SPOCK3: variants seen among roughly 807,000 people sequenced by gnomAD.
The protein encoded by SPOCK3 is testican-3.
Under a neutral mutation model 56.6 loss-of-function variants are expected in SPOCK3, and 30 were observed. The ratio of observed to expected loss-of-function variants is 0.53; its 90% CI spans 0.40 to 0.72. The LOEUF (loss-of-function observed/expected upper bound fraction) is 0.72. Among genes scored for constraint, SPOCK3 ranks in the 30% least tolerant of loss-of-function variants. The pLI is 0.00. For synonymous variants in SPOCK3, 196 were observed against 183.3 expected, an observed-to-expected ratio of 1.07 and a Z score of -0.56; for missense variants, 527 against 530.0, an observed-to-expected ratio of 0.99 and a Z score of 0.06.
At chr4:167,157,668 T>G (rs1314727565) in intron 2 of SPOCK3, among the ~76,000 whole-genome samples, 2 of 152,042 alleles carry the variant, frequency 1.3e-5, no homozygotes, top group East Asian at 3.9e-4. Context: ...TTTTAACTTT[T>G]TAATGTAACA....
chr4:167,073,395 A>G (rs1756878605), intron 2 of SPOCK3, among the ~76,000 whole-genome samples: 1 of 151,860 alleles, frequency 6.6e-6, no homozygotes, highest in African/African-American at 2.4e-5. Flanking sequence ...ATCATAAATG[A>G]AAGTAAAATA....
chr4:166,861,695 C>T (rs1039931794), intron 6 of SPOCK3, among the ~76,000 whole-genome samples: 2 of 152,082 alleles, frequency 1.3e-5, no homozygotes, highest in African/African-American at 4.8e-5. Context: ...TCATGCTGGT[C>T]ATCCACAACA....
At chr4:167,047,408 G>C (rs1753830437) in intron 3 of SPOCK3, among the ~76,000 whole-genome samples, 1 of 152,142 alleles carries the variant, frequency 6.6e-6, no homozygotes, top group Non-Finnish European at 1.5e-5. Context: ...AGTTCATATT[G>C]ATTGATAACT....
intron 6 of SPOCK3, among the ~76,000 whole-genome samples, chr4:166,825,803 A>T (rs1745398957): frequency 6.6e-6 from 1 of 152,090 alleles, no homozygotes; most frequent in Admixed American, 6.6e-5. Flanking sequence ...GGAAAATCAA[A>T]TATTGTATGT....
chr4:166,829,294 T>A (rs541146764), intron 6 of SPOCK3, among the ~76,000 whole-genome samples: 1 of 152,102 alleles, frequency 6.6e-6, no homozygotes, highest in African/African-American at 2.4e-5. Flanking sequence ...AGACTACCTT[T>A]GTAAAGAATG....
intron 6 of SPOCK3, among the ~76,000 whole-genome samples, chr4:166,868,711 A>C (rs1388340554): frequency 6.6e-6 from 1 of 152,096 alleles, no homozygotes; most frequent in African/African-American, 2.4e-5. Flanking sequence ...ATTGTTGAAA[A>C]AGTCAAACTA....
chr4:166,898,806 T>C (rs943603206), intron 5 of SPOCK3, among the ~76,000 whole-genome samples: 9 of 152,162 alleles, frequency 5.9e-5, no homozygotes, highest in African/African-American at 2.2e-4. Flanking sequence ...ATGGTTAATT[T>C]CATGTGTAAA....
At chr4:167,223,167 GAATATAT>G (rs1423220738) in intron 2 of SPOCK3, among the ~76,000 whole-genome samples, 1 of 120,336 alleles carries the variant, frequency 8.3e-6, no homozygotes, top group Non-Finnish European at 1.6e-5. Flanking sequence ...TTTTATATAT[GAATATAT>G]AATATATATT....
rs183351595 is a variant in SPOCK3, at chr4:167,100,421, C to T, written c.190-37884G>A. The stretch of plus-strand genomic sequence containing the variant: ...TCTGTCTCTGTCTCTCTCTCTCTCT[C>T]TTCTCTCTTTCTTTCTCTCTGTCTC... On this transcript the variant is annotated intron_variant, in intron 2 of 10. Coordinates refer to ENST00000357545, the MANE Select transcript of SPOCK3 (RefSeq NM_001040159.2). Among the ~76,000 whole-genome samples, 119 of 151,430 alleles carry T rather than the reference C, an allele frequency of 7.9e-4. 1 individual carries two copies. The highest frequency in any genetic ancestry group is 2.8e-3 in the African/African-American group (117 of 41,296).
In SPOCK3 at chr4:166,889,417, C is replaced by G. The variant is rs1318651634; in HGVS notation, c.475-173G>C. ...TATTACACACTTATGTAGAGTATTA[C>G]TACTTCGTAAAAGAGGCAGAAATGC... is the stretch of plus-strand genomic sequence containing the variant. On this transcript the variant is annotated intron_variant, in intron 5 of 10. Transcript: ENST00000357545. 3.3e-5 allele frequency among the ~76,000 whole-genome samples: 5 copies of G among 151,916 alleles called. No individual in the cohort carries two copies. The South Asian group carries it at 8.3e-4, about 25-fold the overall frequency.
chr4:166,932,053 T>C (rs1296010822), intron 4 of SPOCK3, among the ~76,000 whole-genome samples: 1 of 152,204 alleles, frequency 6.6e-6, no homozygotes, highest in Non-Finnish European at 1.5e-5. Context: ...AACACAAATT[T>C]CAGTTATTAC....
chr4:166,852,147 TG>T (rs1359067786), intron 6 of SPOCK3, among the ~76,000 whole-genome samples: 1 of 149,584 alleles, frequency 6.7e-6, no homozygotes, highest in African/African-American at 2.5e-5. Flanking sequence ...GGAACTGTTG[TG>T]GGTTGTGGGG....
chr4:167,117,361 C>A (rs913072944), intron 2 of SPOCK3, among the ~76,000 whole-genome samples: 1 of 152,044 alleles, frequency 6.6e-6, no homozygotes, highest in East Asian at 1.9e-4. Flanking sequence ...CAATTCTTTT[C>A]CACAGGACCT....
intron 4 of SPOCK3, among the ~76,000 whole-genome samples, chr4:166,952,796 T>G (rs1300003006): frequency 2.0e-5 from 3 of 152,160 alleles, no homozygotes; most frequent in Admixed American, 6.5e-5. Context: ...TACAACTATC[T>G]GATCTTTGAC....
chr4:166,952,092 G>A (rs1742718085), intron 4 of SPOCK3, among the ~76,000 whole-genome samples: 1 of 152,152 alleles, frequency 6.6e-6, no homozygotes, highest in African/African-American at 2.4e-5. Context: ...GGGCAATTAG[G>A]CAGGAGAAGG....
At chr4:166,831,534 CT>C (rs1283044691) in intron 6 of SPOCK3, among the ~76,000 whole-genome samples, 2 of 151,876 alleles carry the variant, frequency 1.3e-5, no homozygotes, top group East Asian at 3.9e-4. Flanking sequence ...GTTATCTATG[CT>C]TTTTAAATTA....
chr4:166,933,658 G>A (rs1360740900), intron 4 of SPOCK3, among the ~76,000 whole-genome samples: 3 of 152,094 alleles, frequency 2.0e-5, no homozygotes, highest in Admixed American at 6.6e-5. Context: ...AAATCTTTTC[G>A]AGGAAGAGTA....
At chr4:167,001,058 C>CT (rs1400677144) in intron 3 of SPOCK3, among the ~76,000 whole-genome samples, 2 of 152,164 alleles carry the variant, frequency 1.3e-5, no homozygotes, top group African/African-American at 4.8e-5. Flanking sequence ...ACAAACCTGT[C>CT]TTGATGGCTG....
intron 6 of SPOCK3, among the ~76,000 whole-genome samples, chr4:166,864,712 A>G (rs533912976): frequency 6.6e-6 from 1 of 151,978 alleles, no homozygotes; most frequent in Admixed American, 6.6e-5. Context: ...CACACATACA[A>G]CCTCCCAAGA....
Sources: allele counts gnomAD v4.1 joint callset (sites outside exome capture counted in the v4.1 genomes callset), GRCh38; gene constraint gnomAD v4.1.1; transcripts MANE v1.5; gene names NCBI Gene and HGNC (gene_info 2026-07-23, HGNC 2026-07-21).